The following NOS1 variants were observed in gnomAD, a reference collection of about 807,000 sequenced individuals.
The protein encoded by NOS1 is NOS type I.
A neutral mutation model predicts 164.5 loss-of-function variants in NOS1; 51 were observed. That is an observed-to-expected ratio of 0.31 (90% CI 0.25 to 0.39). NOS1 has a LOEUF of 0.39. NOS1 is among the 10% of genes least tolerant of loss of function. The pLI, the probability that NOS1 is intolerant of heterozygous loss-of-function variation, is 1.00. For missense variants in NOS1, 1,362 were observed against 1,885.6 expected (o/e 0.72, Z 5.14); for synonymous variants, 719 against 745.8 (o/e 0.96, Z 0.59).
At chr12:117,318,982 G>A (rs940163107) in intron 2 of NOS1, among the ~76,000 whole-genome samples, 2 of 152,318 alleles carry the variant, frequency 1.3e-5, no homozygotes, top group Non-Finnish European at 2.9e-5. Context: ...TGGGTCTGGG[G>A]TCTCTGCAAA....
rs181050002 is a variant in NOS1, at chr12:117,304,033, G to A, written c.852+7433C>T. 6.1e-4 allele frequency among the ~76,000 whole-genome samples: 93 copies of A among 152,260 alleles called. No individual in the cohort carries two copies. The Middle Eastern group carries it at 0.02, about 33-fold the overall frequency. ...CAAAAATACAAAAAATTAGCCGGGC[G>A]TGGCGGCGTGCGCCTGTAGTCCCAG... On this transcript the variant is annotated intron_variant, in intron 3 of 28. Transcript: ENST00000317775.
intron 16 of NOS1, among the ~76,000 whole-genome samples, chr12:117,256,261 A>G (rs1871435654): frequency 6.8e-6 from 1 of 146,140 alleles, no homozygotes; most frequent in South Asian, 2.1e-4. Context: ...TCTCTGCACA[A>G]AGAAAATCAG....
chr12:117,212,196 TA>T lies in NOS1; in HGVS notation c.*3112del, dbSNP rs1173009937. 13 of 985,212 alleles carry T rather than the reference TA, an allele frequency of 1.3e-5. No individual in the cohort carries two copies. Among genetic ancestry groups the T allele is most frequent in the East Asian group, 2.3e-4 (2 of 8,828 alleles). The allele number at this position is 985,212 out of a possible 1,614,324, so 61.0% of individuals were successfully genotyped here. ...AGTTAAGTGAAAAATTAAAATGCAG[TA>T]AGTTTTGAACCAGGTACTGTAACTG... On this transcript the variant is annotated 3_prime_UTR_variant, in exon 29 of 29. Coordinates refer to ENST00000317775, the MANE Select transcript of NOS1 (RefSeq NM_000620.5).
intron 2 of NOS1, among the ~76,000 whole-genome samples, chr12:117,321,447 C>T (rs1207844532): frequency 6.6e-6 from 1 of 152,132 alleles, no homozygotes; most frequent in Non-Finnish European, 1.5e-5. Flanking sequence ...CGGTGAGAAG[C>T]CCCCTGGTTA....
chr12:117,285,970 G>T, intron 6 of NOS1, 134 bp downstream of exon 6: 1 of 920,650 alleles, frequency 1.1e-6, no homozygotes, highest in Non-Finnish European at 1.6e-6. Flanking sequence ...GGGACCCCGT[G>T]ACCATCATCT....
intron 8 of NOS1, 85 bp downstream of exon 8, chr12:117,280,640 T>C: frequency 7.2e-7 from 1 of 1,389,720 alleles, no homozygotes; most frequent in Non-Finnish European, 9.8e-7. Context: ...TCTCCTGTGA[T>C]GATAGCATTA....
chr12:117,327,076 C>G (rs555648), intron 2 of NOS1, among the ~76,000 whole-genome samples: 1 of 152,188 alleles, frequency 6.6e-6, no homozygotes, highest in Non-Finnish European at 1.5e-5. Flanking sequence ...CCTCAGAACT[C>G]TGATACTCAC....
intron 3 of NOS1, among the ~76,000 whole-genome samples, chr12:117,303,189 A>G (rs1873938964): frequency 6.6e-6 from 1 of 152,088 alleles, no homozygotes; most frequent in Non-Finnish European, 1.5e-5. Context: ...GGGGCTGGCT[A>G]CACCCTTTTG....
chr12:117,347,766 C>T (rs1876422146), intron 1 of NOS1, among the ~76,000 whole-genome samples: 1 of 152,146 alleles, frequency 6.6e-6, no homozygotes, highest in African/African-American at 2.4e-5. Flanking sequence ...TCAACACTGA[C>T]CTTGTTCTCC....
At chr12:117,248,123 G>A (rs1592948973) in intron 17 of NOS1, among the ~76,000 whole-genome samples, 1 of 151,708 alleles carries the variant, frequency 6.6e-6, no homozygotes, top group Non-Finnish European at 1.5e-5. Flanking sequence ...AGAAAGCAAC[G>A]CTGCTAGCAC....
In NOS1 at chr12:117,208,580, A is replaced by T; in HGVS notation, c.*6729T>A. 1.7e-6 allele frequency: 2 copies of T among 1,195,324 alleles called. No individual in the cohort carries two copies. Among genetic ancestry groups the T allele is most frequent in the Non-Finnish European group, 2.1e-6 (2 of 942,046 alleles). The allele number at this position is 1,195,324 out of a possible 1,614,324, so 74.0% of individuals were successfully genotyped here. On this transcript the variant is annotated 3_prime_UTR_variant, in exon 29 of 29. Transcript: ENST00000317775. ...AATCACAACGAGAACACAACAATGA[A>T]AACAGTGGCGGCAGAGCACAGGACA... is the stretch of plus-strand genomic sequence containing the variant.
intron 20 of NOS1, among the ~76,000 whole-genome samples, chr12:117,236,225 G>A (rs144328612): frequency 4.7e-4 from 72 of 152,206 alleles, no homozygotes; most frequent in African/African-American, 1.6e-3. Context: ...TTAATTTTCA[G>A]TGGCTAGAGA....
chr12:117,237,725 T>C lies in NOS1; in HGVS notation c.3042-2967A>G, dbSNP rs17508609. Among the ~76,000 whole-genome samples, 787 of 152,082 alleles carry C rather than the reference T, an allele frequency of 5.2e-3. 3 individuals are homozygous for C. The highest frequency in any genetic ancestry group is 8.5e-3 in the Non-Finnish European group (577 of 68,000). ...CATTCTTCAGTGAAAAGAGTAAATA[T>C]TGTCACCTGTGAACTGCTCAAGGTA... On this transcript the variant is annotated intron_variant, in intron 20 of 28. Coordinates refer to ENST00000317775, the MANE Select transcript of NOS1 (RefSeq NM_000620.5).
At chr12:117,215,617 G>T (rs1281200643) in intron 28 of NOS1, among the ~76,000 whole-genome samples, 1 of 151,976 alleles carries the variant, frequency 6.6e-6, no homozygotes, top group African/African-American at 2.4e-5. Flanking sequence ...ATTTTTAGTA[G>T]AGATGGAGTT....
intron 13 of NOS1, among the ~76,000 whole-genome samples, chr12:117,262,051 C>A (rs1205363825): frequency 2.0e-5 from 3 of 152,178 alleles, no homozygotes; most frequent in East Asian, 3.8e-4. Flanking sequence ...AACTTCCCCC[C>A]ACCTGGGATT....
At chr12:117,291,380 C>T (rs866061851) in intron 3 of NOS1, among the ~76,000 whole-genome samples, 2 of 152,030 alleles carry the variant, frequency 1.3e-5, no homozygotes, top group African/African-American at 4.8e-5. Context: ...TGGAAAGAAA[C>T]CATGGAAGAG....
intron 21 of NOS1, among the ~76,000 whole-genome samples, 178 bp from the exon 22 acceptor site, chr12:117,232,309 A>G (rs900765269): frequency 1.3e-5 from 2 of 152,206 alleles, no homozygotes; most frequent in African/African-American, 4.8e-5. Context: ...CATGTGTGCA[A>G]GAAGCAAATC....
chr12:117,278,179 G>T, intron 8 of NOS1, 81 bp from the exon 9 acceptor site: 1 of 1,444,316 alleles, frequency 6.9e-7, no homozygotes, highest in Non-Finnish European at 9.2e-7. Context: ...CGGGGGTGGG[G>T]TGGATAGAGA....
intron 3 of NOS1, among the ~76,000 whole-genome samples, chr12:117,304,105 G>A (rs1874000415): frequency 6.6e-6 from 1 of 152,006 alleles, no homozygotes; most frequent in Non-Finnish European, 1.5e-5. Context: ...CTGGGAGGTG[G>A]AGCTTGCAGT....
Sources: gnomAD v4.1 joint callset for allele counts (sites outside exome capture counted in the v4.1 genomes callset) on GRCh38, gnomAD v4.1.1 for gene constraint, MANE v1.5 for transcripts, NCBI Gene and HGNC (gene_info 2026-07-23, HGNC 2026-07-21) for gene names.